CACNA2D1: variants seen among roughly 807,000 people sequenced by gnomAD.
CACNA2D1 encodes calcium voltage-gated channel auxiliary subunit alpha2delta 1, also known as voltage-dependent calcium channel subunit alpha-2/delta-1.
In CACNA2D1, 53 loss-of-function variants were observed where a neutral mutation model predicts 171.5. The ratio of observed to expected loss-of-function variants is 0.31; its 90% CI spans 0.25 to 0.39. CACNA2D1 has a LOEUF of 0.39. Among genes scored for constraint, CACNA2D1 ranks in the 10% least tolerant of loss-of-function variants. The pLI, the probability that CACNA2D1 is intolerant of heterozygous loss-of-function variation, is 1.00. For missense variants in CACNA2D1, 903 were observed against 1,299.8 expected, an observed-to-expected ratio of 0.69 and a Z score of 4.69; for synonymous variants, 442 against 443.1, an observed-to-expected ratio of 1.00 and a Z score of 0.03.
chr7:82,376,079 CA>C lies in CACNA2D1; in HGVS notation c.96-26431del, dbSNP rs372136793. The stretch of plus-strand genomic sequence containing the variant: ...GTGCTTCTTTTCTCAAAAACATACA[CA>C]AAAAAAAATCTGCCTGGTGTCCAAT... On this transcript the variant is annotated intron_variant, in intron 1 of 38. Transcript: ENST00000356860. Among the ~76,000 whole-genome samples the C allele has an allele frequency of 7.3e-5, 11 of 151,320 alleles. No individual in the cohort carries two copies. In the South Asian group the frequency reaches 1.0e-3, roughly 14 times the overall value.
intron 3 of CACNA2D1, among the ~76,000 whole-genome samples, chr7:82,214,112 C>A (rs1318772303): frequency 6.6e-6 from 1 of 152,094 alleles, no homozygotes; most frequent in Non-Finnish European, 1.5e-5. Flanking sequence ...ACCCTCATGA[C>A]CTAATCTACT....
chr7:81,983,529 T>C (rs2130650390), intron 22 of CACNA2D1, among the ~76,000 whole-genome samples, 195 bp from the exon 23 acceptor site: 1 of 152,280 alleles, frequency 6.6e-6, no homozygotes, highest in East Asian at 1.9e-4. Flanking sequence ...GTATGTCCTA[T>C]CAATTATAAC....
rs76084360 is a variant in CACNA2D1, at chr7:82,228,211, C to T, written c.295-57602G>A. ...AGTCAGAGACTATAAGGAAAATAGG[C>T]TTTCTCCTATTGACTTTACAGAAGC... is the stretch of plus-strand genomic sequence containing the variant. On this transcript the variant is annotated intron_variant, in intron 3 of 38. Transcript: ENST00000356860. 7.2e-3 allele frequency among the ~76,000 whole-genome samples: 1,097 copies of T among 152,148 alleles called. 9 individuals are homozygous for T. Among genetic ancestry groups the T allele is most frequent in the African/African-American group, 0.025 (1,024 of 41,506 alleles).
intron 3 of CACNA2D1, among the ~76,000 whole-genome samples, chr7:82,245,635 C>T (rs1804812728): frequency 6.6e-6 from 1 of 151,342 alleles, no homozygotes; most frequent in Non-Finnish European, 1.5e-5. Context: ...CAGACACACA[C>T]AAAATGTCTC....
At chr7:82,175,610 T>TC (rs1194131798) in intron 3 of CACNA2D1, among the ~76,000 whole-genome samples, 2 of 152,024 alleles carry the variant, frequency 1.3e-5, no homozygotes, top group Non-Finnish European at 2.9e-5. Flanking sequence ...ACTTCAATGT[T>TC]CGAAAGAAAA....
intron 2 of CACNA2D1, among the ~76,000 whole-genome samples, chr7:82,349,177 T>G (rs1323882088): frequency 6.6e-6 from 1 of 152,184 alleles, no homozygotes; most frequent in Admixed American, 6.5e-5. Flanking sequence ...ATGTTTTCAC[T>G]GAGGATATTC....
chr7:81,974,605 GTAAT>G (rs1037955715), intron 24 of CACNA2D1, 53 bp from the exon 25 acceptor site: 48 of 912,036 alleles, frequency 5.3e-5, no homozygotes, highest in Non-Finnish European at 7.8e-5. Context: ...ACTTTACAGG[GTAAT>G]TAAAGGTAGT....
At chr7:82,396,264 G>A (rs147405378) in intron 1 of CACNA2D1, among the ~76,000 whole-genome samples, 3,124 of 152,042 alleles carry the variant, frequency 0.021, 112 homozygotes, top group East Asian at 0.12. Context: ...CAGGAGGATC[G>A]CCTGAGCCCA....
At chr7:82,410,407 C>G in intron 1 of CACNA2D1, 3 of 454,476 alleles carry the variant, frequency 6.6e-6, no homozygotes, top group Non-Finnish European at 8.7e-6. Flanking sequence ...TTGTTTATCA[C>G]TTCTGTACTG....
In CACNA2D1 at chr7:82,005,782, G is replaced by A. The variant is rs2130870236; in HGVS notation, c.1498C>T (p.Leu500=). Residue 500 remains leucine, a synonymous_variant, in exon 17 of 39, where the codon CTG becomes TTG. Transcript: ENST00000356860. ...CATCTTACTGTAAAACGTGGTGTCA[G>A]TCTTTTAATATCTTCCAAAGACACA... ...VDVSLEDIKR[L]TPRFTLCPNG... is the part of the protein sequence containing the mutation. 3 of 1,602,030 alleles carry A rather than the reference G, an allele frequency of 1.9e-6. No individual in the cohort carries two copies. The highest frequency in any genetic ancestry group is 2.6e-6 in the Non-Finnish European group (3 of 1,169,178).
chr7:82,057,707 A>T (rs1160172757), intron 10 of CACNA2D1, among the ~76,000 whole-genome samples: 1 of 152,068 alleles, frequency 6.6e-6, no homozygotes, highest in Non-Finnish European at 1.5e-5. Context: ...GTGAATGGAC[A>T]ACTGCAGAAA....
At chr7:82,301,047 T>C (rs1448207673) in intron 3 of CACNA2D1, among the ~76,000 whole-genome samples, 4 of 152,208 alleles carry the variant, frequency 2.6e-5, no homozygotes, top group Non-Finnish European at 5.9e-5. Context: ...TACAGTTTCA[T>C]TGAATTTGCA....
intron 34 of CACNA2D1, among the ~76,000 whole-genome samples, chr7:81,963,080 G>C (rs1274127483): frequency 6.6e-6 from 1 of 151,888 alleles, no homozygotes; most frequent in Non-Finnish European, 1.5e-5. Context: ...AAAAAAGTGG[G>C]GGTGGGAGGG....
At chr7:82,406,504 C>A (rs1827062954) in intron 1 of CACNA2D1, among the ~76,000 whole-genome samples, 1 of 152,178 alleles carries the variant, frequency 6.6e-6, no homozygotes, top group African/African-American at 2.4e-5. Flanking sequence ...TTTACAGTCC[C>A]ACCAACAGTG....
intron 1 of CACNA2D1, among the ~76,000 whole-genome samples, chr7:82,399,866 C>A (rs990489252): frequency 6.6e-6 from 1 of 152,112 alleles, no homozygotes; most frequent in East Asian, 1.9e-4. Context: ...AAATCTTCTA[C>A]ATTTAAGTCG....
At chr7:81,950,979 C>T (rs1584124535) in intron 38 of CACNA2D1, among the ~76,000 whole-genome samples, 1 of 151,956 alleles carries the variant, frequency 6.6e-6, no homozygotes, top group African/African-American at 2.4e-5. Flanking sequence ...ATTTATAAGG[C>T]TCAACATAGA....
intron 3 of CACNA2D1, among the ~76,000 whole-genome samples, chr7:82,182,389 C>A (rs1186886689): frequency 6.6e-6 from 1 of 152,050 alleles, no homozygotes; most frequent in African/African-American, 2.4e-5. Flanking sequence ...TCTGTCTTTA[C>A]AAAAGTCTAC....
Position 81,951,970 on chromosome 7 carries a change from T to TTTTTTTTTTTTTGTTTTG in CACNA2D1, c.3160-1463_3160-1462insCAAAACAAAAAAAAAAAA, listed in dbSNP as rs1491307432. Among the ~76,000 whole-genome samples, 40 of 23,974 alleles carry TTTTTTTTTTTTTGTTTTG rather than the reference T, an allele frequency of 1.7e-3. No homozygotes were observed. In the South Asian group the frequency reaches 0.018, roughly 11 times the overall value. 15.7% of individuals were successfully genotyped at this position (23,974 alleles called of 152,430 possible). The stretch of plus-strand genomic sequence containing the variant: ...ATTCCCACCAGCAGTGTACAAAGTG[T>TTTTTTTTTTTTTGTTTTG]TTTTTTTTTTTTTTTTTTTTTAACC... On this transcript the variant is annotated intron_variant, in intron 38 of 38. Coordinates refer to ENST00000356860, the MANE Select transcript of CACNA2D1 (RefSeq NM_000722.4).
At chr7:82,212,944 A>G (rs894862107) in intron 3 of CACNA2D1, among the ~76,000 whole-genome samples, 1 of 151,434 alleles carries the variant, frequency 6.6e-6, no homozygotes, top group Non-Finnish European at 1.5e-5. Flanking sequence ...TCTGTCACCC[A>G]GGCTGGAGTG....
Sources: gnomAD v4.1 joint callset for allele counts (sites outside exome capture counted in the v4.1 genomes callset) on GRCh38, gnomAD v4.1.1 for gene constraint, MANE v1.5 for transcripts, NCBI Gene and HGNC (gene_info 2026-07-23, HGNC 2026-07-21) for gene names.